The following ZNF708 variants were observed in gnomAD, a reference collection of about 807,000 sequenced individuals.
ZNF708 encodes the protein ZNF15, ZNF15L1.
ZNF708 carries 44 observed loss-of-function variants against 47.0 expected under a neutral mutation model. The ratio of observed to expected loss-of-function variants is 0.94; its 90% CI spans 0.74 to 1.20. The LOEUF is 1.20. Among genes scored for constraint, ZNF708 ranks in the 50% most tolerant of loss-of-function variants. ZNF708 has a pLI of 0.00. For synonymous variants in ZNF708, 184 were observed against 218.5 expected (o/e 0.84, Z 1.39); for missense variants, 557 against 656.0 (o/e 0.85, Z 1.65).
intron 1 of ZNF708, chr19:21,318,143 C>T (rs1414798055): frequency 6.6e-6 from 1 of 152,198 alleles, no homozygotes; most frequent in Admixed American, 6.5e-5. Context: ...TCCAGTACCT[C>T]ATCAGAGACT....
chr19:21,325,895 G>A (rs1234615701), intron 1 of ZNF708, among the ~76,000 whole-genome samples: 2 of 151,926 alleles, frequency 1.3e-5, no homozygotes, highest in East Asian at 1.9e-4. Context: ...ATCAAAAAGT[G>A]GACTAAGGAT....
At chr19:21,306,335 T>C (rs145836270) in intron 3 of ZNF708, among the ~76,000 whole-genome samples, 1,989 of 152,106 alleles carry the variant, frequency 0.013, 22 homozygotes, top group Non-Finnish European at 0.019. Context: ...AGATGAGTGA[T>C]GAGTTAATAT....
intron 1 of ZNF708, among the ~76,000 whole-genome samples, chr19:21,314,515 T>C (rs1157063056): frequency 6.6e-6 from 1 of 152,198 alleles, no homozygotes; most frequent in Non-Finnish European, 1.5e-5. Context: ...GCTCACAATT[T>C]TTTCACACAT....
chr19:21,296,866 CTCA>C (rs1357636299), intron 3 of ZNF708, among the ~76,000 whole-genome samples: 12 of 152,048 alleles, frequency 7.9e-5, no homozygotes, highest in African/African-American at 2.9e-4. Flanking sequence ...GGCACAGTGG[CTCA>C]TGCCTGTAAT....
Position 21,310,435 on chromosome 19 carries a change from ACT to A in ZNF708, c.130+64_130+65del, listed in dbSNP as rs1295972616. The A allele has an allele frequency of 1.5e-5, 12 of 817,436 alleles. No homozygotes were observed. In the Admixed American group the frequency reaches 4.6e-4, roughly 31 times the overall value. 50.6% of individuals were successfully genotyped at this position (817,436 alleles called of 1,614,324 possible). On this transcript the variant is annotated intron_variant, in intron 2 of 3. Coordinates refer to ENST00000356929, the MANE Select transcript of ZNF708 (RefSeq NM_021269.3). ...ACTCCAGCCTGGGTGACAGAGTGAA[ACT>A]CTGTCTCAAAAAAAAAAATAATAAT...
intron 1 of ZNF708, among the ~76,000 whole-genome samples, 165 bp downstream of exon 1, chr19:21,329,045 G>A (rs748035198): frequency 6.4e-4 from 97 of 152,242 alleles, no homozygotes; most frequent in Non-Finnish European, 1.2e-3. Context: ...TGTCGGCGCA[G>A]CCGCCATCTT....
At chr19:21,301,442 A>C (rs1972657463) in intron 3 of ZNF708, among the ~76,000 whole-genome samples, 1 of 151,756 alleles carries the variant, frequency 6.6e-6, no homozygotes, top group African/African-American at 2.4e-5. Flanking sequence ...GTGAAACCCC[A>C]TCTCTACTAA....
At chr19:21,299,506 T>C (rs1181870632) in intron 3 of ZNF708, among the ~76,000 whole-genome samples, 2 of 151,740 alleles carry the variant, frequency 1.3e-5, no homozygotes, top group Non-Finnish European at 2.9e-5. Context: ...ATCCCAGCAC[T>C]TGGAGAGGCT....
At chr19:21,308,347 G>A (rs1045955320) in intron 3 of ZNF708, among the ~76,000 whole-genome samples, 3 of 149,668 alleles carry the variant, frequency 2.0e-5, no homozygotes, top group Non-Finnish European at 1.5e-5. Context: ...TGGCACAATC[G>A]CAGCTCACAG....
chr19:21,296,870 T>TGCCTG (rs1266063161), intron 3 of ZNF708, among the ~76,000 whole-genome samples: 8 of 152,036 alleles, frequency 5.3e-5, no homozygotes, highest in Admixed American at 5.2e-4. Context: ...CAGTGGCTCA[T>TGCCTG]GCCTGTAATC....
chr19:21,298,961 G>C (rs994651690), intron 3 of ZNF708, among the ~76,000 whole-genome samples: 1 of 152,142 alleles, frequency 6.6e-6, no homozygotes, highest in Non-Finnish European at 1.5e-5. Flanking sequence ...GTCACAAAAA[G>C]ACAGAGATTG....
intron 2 of ZNF708, among the ~76,000 whole-genome samples, chr19:21,309,890 T>C (rs1463053724): frequency 1.3e-5 from 2 of 152,230 alleles, no homozygotes; most frequent in African/African-American, 2.4e-5. Context: ...AAATTGGTGG[T>C]GGCAATTAGA....
In ZNF708 at chr19:21,293,843, G is replaced by C. The variant is rs777830540; in HGVS notation, c.1123C>G (p.Arg375Gly). The C allele has an allele frequency of 8.1e-6, 13 of 1,609,178 alleles. No homozygotes were observed. Among genetic ancestry groups the C allele is most frequent in the Middle Eastern group, 1.7e-4 (1 of 6,038 alleles). Residue 375 changes from arginine to glycine, a missense_variant, in exon 4 of 4, where the codon CGG becomes GGG. By Grantham distance (125) the Arg-to-Gly change is moderately radical. Coordinates refer to ENST00000356929, the MANE Select transcript of ZNF708 (RefSeq NM_021269.3). ...KCEECGKAFN[R>G]SSHLTNHKVI... ...TTATGATTAGTAAGGTGTGAGGACCGGTTAAAAGCTTTGCCACATTCTTCA... is the reference window on the plus strand; with the variant it reads ...TTATGATTAGTAAGGTGTGAGGACCCGTTAAAAGCTTTGCCACATTCTTCA...
intron 3 of ZNF708, among the ~76,000 whole-genome samples, chr19:21,297,244 GTATATA>G (rs1555720500): frequency 1.4e-3 from 17 of 12,004 alleles, no homozygotes; most frequent in Non-Finnish European, 2.5e-3. Flanking sequence ...TGCAAATAAG[GTATATA>G]TATATATATA....
At chr19:21,326,972 T>C (rs1619077) in intron 1 of ZNF708, among the ~76,000 whole-genome samples, 2,603 of 151,814 alleles carry the variant, frequency 0.017, 84 homozygotes, top group African/African-American at 0.056. Context: ...TGATTATATA[T>C]ATATTCACAA....
rs551742348 is a variant in ZNF708, at chr19:21,303,149, G to A, written c.226+6097C>T. Among the ~76,000 whole-genome samples, 126 of 152,190 alleles carry A rather than the reference G, an allele frequency of 8.3e-4. 1 individual carries two copies. The highest frequency in any genetic ancestry group is 2.8e-3 in the African/African-American group (116 of 41,544). ...ATATTTGTAACACAGCTATTTGAGA[G>A]GCCGAAATGAGAGGATCATCAGAGT... On this transcript the variant is annotated intron_variant, in intron 3 of 3. Transcript: ENST00000356929.
chr19:21,310,729 CT>C, intron 1 of ZNF708, 102 bp from the exon 2 acceptor site: 1 of 952,282 alleles, frequency 1.1e-6, no homozygotes, highest in Non-Finnish European at 1.4e-6. Context: ...CTGGTTCTGA[CT>C]TATAGGAGTG....
intron 1 of ZNF708, among the ~76,000 whole-genome samples, chr19:21,313,274 C>G (rs1452414186): frequency 2.2e-5 from 3 of 137,056 alleles, no homozygotes; most frequent in Non-Finnish European, 4.7e-5. Flanking sequence ...GGTGACAGAG[C>G]AAGACCCTGT....
At chr19:21,317,675 G>C (rs1418020654) in intron 1 of ZNF708, among the ~76,000 whole-genome samples, 1 of 152,192 alleles carries the variant, frequency 6.6e-6, no homozygotes, top group Non-Finnish European at 1.5e-5. Flanking sequence ...CAATCAATCT[G>C]CTTAAGAGAC....
Sources: allele counts gnomAD v4.1 joint callset (sites outside exome capture counted in the v4.1 genomes callset), GRCh38; gene constraint gnomAD v4.1.1; transcripts MANE v1.5; gene names NCBI Gene and HGNC (gene_info 2026-07-23, HGNC 2026-07-21).